GOT2: variants seen among roughly 807,000 people sequenced by gnomAD.
The protein encoded by GOT2 is aspartate aminotransferase, mitochondrial.
In GOT2, 17 loss-of-function variants were observed where a neutral mutation model predicts 50.0. That is an observed-to-expected ratio of 0.34 (90% CI 0.23 to 0.51). The LOEUF (loss-of-function observed/expected upper bound fraction) is 0.51, where lower values mean the gene tolerates loss of function less well. Ranked by LOEUF, GOT2 falls within the 20% of genes least tolerant of loss-of-function variation. GOT2 has a pLI of 0.97. For missense variants in GOT2, 430 were observed against 559.6 expected, an observed-to-expected ratio of 0.77 and a Z score of 2.34; for synonymous variants, 172 against 204.9, an observed-to-expected ratio of 0.84 and a Z score of 1.37.
intron 8 of GOT2, among the ~76,000 whole-genome samples, chr16:58,713,894 T>C (rs2044669240): frequency 6.6e-6 from 1 of 152,196 alleles, no homozygotes; most frequent in South Asian, 2.1e-4. Flanking sequence ...GAAGTAGCTA[T>C]ACAAAATTCA....
At chr16:58,713,240 A>C (rs999837210) in intron 8 of GOT2, among the ~76,000 whole-genome samples, 1 of 152,240 alleles carries the variant, frequency 6.6e-6, no homozygotes, top group Non-Finnish European at 1.5e-5. Flanking sequence ...CCCTTTCACA[A>C]ACTTTCTGAA....
In GOT2 at chr16:58,707,804, T is replaced by C. The variant is rs2044615853; in HGVS notation, c.*367A>G. Reference sequence around the variant, plus strand: ...GAACTAGGCCTTCTCTCAAAGCCTCTAACGTGTGCTGTTTCTCACGAGGAA... The same window carrying C: ...GAACTAGGCCTTCTCTCAAAGCCTCCAACGTGTGCTGTTTCTCACGAGGAA... On this transcript the variant is annotated 3_prime_UTR_variant, in exon 10 of 10. Coordinates refer to ENST00000245206, the MANE Select transcript of GOT2 (RefSeq NM_002080.4). The C allele has an allele frequency of 1.8e-5, 3 of 164,856 alleles. No homozygotes were observed. Among genetic ancestry groups the C allele is most frequent in the South Asian group, 3.2e-4 (2 of 6,188 alleles). 10.2% of individuals were successfully genotyped at this position (164,856 alleles called of 1,614,324 possible).
At chr16:58,721,714 A>G (rs1022849711) in intron 3 of GOT2, 1 of 152,568 alleles carries the variant, frequency 6.6e-6, no homozygotes, top group African/African-American at 2.4e-5. Context: ...AAGAATTATT[A>G]GAAATAGTGT....
At chr16:58,723,623 G>T in intron 2 of GOT2, 123 bp downstream of exon 2, 1 of 770,570 alleles carries the variant, frequency 1.3e-6, no homozygotes, top group Middle Eastern at 2.4e-4. Flanking sequence ...GGTGATTCAT[G>T]CCATTAGTGC....
chr16:58,731,141 C>CT (rs969149378), intron 1 of GOT2, among the ~76,000 whole-genome samples: 33 of 149,674 alleles, frequency 2.2e-4, no homozygotes, highest in African/African-American at 5.6e-4. Context: ...CAGCTGTGAT[C>CT]TTTTTTTTTT....
rs61160989 is a variant in GOT2, at chr16:58,732,449, C to T, written c.89+1691G>A. 9.9e-3 allele frequency among the ~76,000 whole-genome samples: 1,511 copies of T among 152,252 alleles called. 20 individuals are homozygous for T. Among genetic ancestry groups the T allele is most frequent in the African/African-American group, 0.034 (1,414 of 41,536 alleles). ...GTAAACACCATTACACTTGGACCAG[C>T]CTATGTTCAGATTTTGATCTAAGAT... is the stretch of plus-strand genomic sequence containing the variant. On this transcript the variant is annotated intron_variant, in intron 1 of 9. Transcript: ENST00000245206.
intron 1 of GOT2, among the ~76,000 whole-genome samples, chr16:58,733,624 A>G (rs1440185654): frequency 6.6e-6 from 1 of 152,110 alleles, no homozygotes; most frequent in Non-Finnish European, 1.5e-5. Context: ...TGCGGGAAGG[A>G]AAGCGAGGCC....
intron 8 of GOT2, among the ~76,000 whole-genome samples, chr16:58,712,693 G>A (rs2044659111): frequency 6.6e-6 from 1 of 152,046 alleles, no homozygotes; most frequent in South Asian, 2.1e-4. Context: ...TTCATAACCA[G>A]AGAATATGAA....
intron 1 of GOT2, among the ~76,000 whole-genome samples, chr16:58,725,114 T>TTC (rs776246174): frequency 6.7e-6 from 1 of 149,618 alleles, no homozygotes; most frequent in Non-Finnish European, 1.5e-5. Context: ...CTTTCTTTCT[T>TTC]TTTTTTTTTT....
At chr16:58,727,771 G>A (rs1002524189) in intron 1 of GOT2, among the ~76,000 whole-genome samples, 2 of 152,158 alleles carry the variant, frequency 1.3e-5, no homozygotes, top group African/African-American at 4.8e-5. Context: ...GCTGAAAGGA[G>A]GAGTAAAAGG....
In GOT2 at chr16:58,719,240, T is replaced by C. The variant is rs1215696047; in HGVS notation, c.391A>G (p.Thr131Ala). The change falls in exon 4 of 10, where the codon ACC becomes GCC. Residue 131 changes from threonine to alanine, a missense_variant. Transcript: ENST00000245206. ...CTTAAGGCTCCAGTTCCAGAAATGG[T>C]CTGCACAGTGACAAACTGAAGGAGA... ...LKSGRFVTVQ[T>A]ISGTGALRIG... 1 of 1,612,962 alleles carries C rather than the reference T, an allele frequency of 6.2e-7. No homozygotes were observed. Among genetic ancestry groups the C allele is most frequent in the Non-Finnish European group, 8.5e-7 (1 of 1,179,180 alleles).
At chr16:58,716,204 C>T (rs1567486908) in intron 7 of GOT2, 25 bp from the exon 8 acceptor site, 2 of 1,602,336 alleles carry the variant, frequency 1.2e-6, no homozygotes, top group Middle Eastern at 1.8e-4. Context: ...TGGATCTCGT[C>T]TTCTACTTCT....
At chr16:58,729,927 T>TAAA (rs1319054528) in intron 1 of GOT2, among the ~76,000 whole-genome samples, 1 of 151,256 alleles carries the variant, frequency 6.6e-6, no homozygotes, top group African/African-American at 2.4e-5. Context: ...ATTTTTTTTT[T>TAAA]AAAAATGTAA....
At position 58,708,018 on chromosome 16, in the gene GOT2, T is replaced by C; in HGVS notation, c.*153A>G. ...TGCCCTGTGTCACTACATGTTCTTT[T>C]CTGAGAAACATTCAAATGCTGAGTG... is the stretch of plus-strand genomic sequence containing the variant. On this transcript the variant is annotated 3_prime_UTR_variant, in exon 10 of 10. Coordinates refer to ENST00000245206, the MANE Select transcript of GOT2 (RefSeq NM_002080.4). 1 of 700,946 alleles carries C rather than the reference T, an allele frequency of 1.4e-6. No homozygotes were observed. The highest frequency in any genetic ancestry group is 2.3e-6 in the Non-Finnish European group (1 of 443,896). The allele number at this position is 700,946 out of a possible 1,614,324, so 43.4% of individuals were successfully genotyped here.
In GOT2 at chr16:58,716,127, T is replaced by A; in HGVS notation, c.906A>T (p.Lys302Asn). The A allele has an allele frequency of 8.7e-6, 14 of 1,613,998 alleles. No homozygotes were observed. The highest frequency in any genetic ancestry group is 1.2e-5 in the Non-Finnish European group (14 of 1,179,950). ...TMVCKDADEA[K>N]RVESQLKILI... The stretch of plus-strand genomic sequence containing the variant: ...AGATCTTCAACTGTGACTCTACCCT[T>A]TTGGCTTCATCCGCATCTTTGCAGA... The change falls in exon 8 of 10, where the codon AAA becomes AAT. Residue 302 changes from lysine to asparagine, a missense_variant. Lys to Asn is a moderately conservative substitution (Grantham distance 94). Transcript: ENST00000245206.
Position 58,718,181 on chromosome 16 carries a change from G to C in GOT2, c.702+15C>G. ...CTAAACACAGAACTGTCGCCAGTGA[G>C]TTCATCGTCCTCACCTTCACCACTG... On this transcript the variant is annotated intron_variant, in intron 6 of 9. Coordinates refer to ENST00000245206, the MANE Select transcript of GOT2 (RefSeq NM_002080.4). 1 of 1,567,096 alleles carries C rather than the reference G, an allele frequency of 6.4e-7. No homozygotes were observed. Among genetic ancestry groups the C allele is most frequent in the South Asian group, 1.1e-5 (1 of 90,146 alleles).
chr16:58,732,706 C>T (rs2044845062), intron 1 of GOT2, among the ~76,000 whole-genome samples: 1 of 152,194 alleles, frequency 6.6e-6, no homozygotes, highest in East Asian at 1.9e-4. Context: ...ATGACTAACC[C>T]TGACCCCAAG....
chr16:58,726,720 T>C (rs529001081), intron 1 of GOT2, among the ~76,000 whole-genome samples: 22 of 150,866 alleles, frequency 1.5e-4, no homozygotes, highest in African/African-American at 4.6e-4. Flanking sequence ...CCTCCTGACC[T>C]CAAGTGATCC....
intron 5 of GOT2, 83 bp from the exon 6 acceptor site, chr16:58,718,383 T>C: frequency 1.4e-6 from 2 of 1,380,308 alleles, no homozygotes; most frequent in Non-Finnish European, 2.0e-6. Flanking sequence ...CGTCATCATT[T>C]GATAAGTAAC....
Sources: allele counts gnomAD v4.1 joint callset (sites outside exome capture counted in the v4.1 genomes callset), GRCh38; gene constraint gnomAD v4.1.1; transcripts MANE v1.5; gene names NCBI Gene and HGNC (gene_info 2026-07-23, HGNC 2026-07-21).